The following ATAD2 variants were observed in gnomAD, a reference collection of about 807,000 sequenced individuals.
ATAD2 encodes the protein ATPase family AAA domain-containing protein 2.
In ATAD2, 62 loss-of-function variants were observed where a neutral mutation model predicts 168.9. That is an observed-to-expected ratio of 0.37 (90% confidence interval 0.30 to 0.45). The LOEUF is 0.45. Ranked by LOEUF, ATAD2 falls within the 20% of genes least tolerant of loss-of-function variation. ATAD2 has a pLI of 1.00. For missense variants in ATAD2, 1,419 were observed against 1,667.8 expected (o/e 0.85, Z 2.60); for synonymous variants, 613 against 571.6 (o/e 1.07, Z -1.03).
At chr8:123,328,099 A>C (rs545358720) in intron 25 of ATAD2, 91 bp downstream of exon 25, 1 of 1,104,528 alleles carries the variant, frequency 9.1e-7, no homozygotes, top group East Asian at 3.1e-5. Flanking sequence ...AAAGGCAAGC[A>C]AAAAGCAATA....
chr8:123,389,171 T>A (rs1829735359), intron 1 of ATAD2, among the ~76,000 whole-genome samples: 1 of 137,902 alleles, frequency 7.3e-6, no homozygotes, highest in African/African-American at 2.7e-5. Context: ...AGAAATGTGG[T>A]TTCACCGTGT....
intron 13 of ATAD2, chr8:123,352,437 T>G (rs569741320): frequency 1.3e-5 from 2 of 153,124 alleles, no homozygotes. Flanking sequence ...ACATTTTGGC[T>G]TGGCTGCAAC....
chr8:123,414,698 C>T (rs941181398), intron 1 of ATAD2, among the ~76,000 whole-genome samples: 11 of 152,086 alleles, frequency 7.2e-5, no homozygotes, highest in East Asian at 1.9e-4. Context: ...AGTACCTTAC[C>T]GTATAGAAGG....
intron 2 of ATAD2, among the ~76,000 whole-genome samples, chr8:123,375,927 G>A (rs772696832): frequency 2.6e-5 from 4 of 151,972 alleles, no homozygotes; most frequent in South Asian, 2.1e-4. Flanking sequence ...CCAAGATGGT[G>A]AGACCCCGTC....
At chr8:123,375,481 G>A (rs1829281388) in intron 2 of ATAD2, among the ~76,000 whole-genome samples, 1 of 152,174 alleles carries the variant, frequency 6.6e-6, no homozygotes, top group African/African-American at 2.4e-5. Flanking sequence ...AAATGTTAGT[G>A]TTAGTATTTG....
chr8:123,368,472 TTGGACTTAAATTTGACCAA>T (rs1428008876), intron 8 of ATAD2, among the ~76,000 whole-genome samples: 9 of 152,118 alleles, frequency 5.9e-5, no homozygotes, highest in African/African-American at 2.2e-4. Flanking sequence ...AATTATCTCT[TTGGACTTAAATTTGACCAA>T]TGAACAACTG....
intron 1 of ATAD2, among the ~76,000 whole-genome samples, chr8:123,385,511 G>C (rs1357869096): frequency 3.3e-5 from 5 of 152,096 alleles, no homozygotes; most frequent in Non-Finnish European, 5.9e-5. Context: ...GGGGGAAGTT[G>C]AGATGATAAC....
intron 1 of ATAD2, 172 bp from the exon 2 acceptor site, chr8:123,380,849 TAAAC>T: frequency 1.6e-6 from 1 of 614,764 alleles, no homozygotes. Flanking sequence ...CATTTCATGA[TAAAC>T]AAATATCAGC....
At chr8:123,365,043 A>C (rs922859204) in intron 8 of ATAD2, among the ~76,000 whole-genome samples, 2 of 152,166 alleles carry the variant, frequency 1.3e-5, no homozygotes, top group Non-Finnish European at 2.9e-5. Context: ...CTACTGCAAA[A>C]AACTCCTAGA....
At chr8:123,374,077 A>T (rs1829235292) in intron 2 of ATAD2, among the ~76,000 whole-genome samples, 1 of 152,108 alleles carries the variant, frequency 6.6e-6, no homozygotes, top group Admixed American at 6.6e-5. Context: ...GAAAATAAAA[A>T]CTTTTGGCTG....
rs1443113029 is a variant in ATAD2 at position 123,396,410 on chromosome 8, G to C, written c.-53C>G. ...GCGACCGGAGAGAGATCCAGCTCCA[G>C]GCGCTCGCAGCTCTGGCTCTTCCGC... On this transcript the variant is annotated 5_prime_UTR_variant, in exon 1 of 28. Transcript: ENST00000287394. The C allele has an allele frequency of 4.1e-6, 6 of 1,471,928 alleles. No individual in the cohort carries two copies. The highest frequency in any genetic ancestry group is 2.5e-5 in the East Asian group (1 of 39,640). The allele number at this position is 1,471,928 out of a possible 1,614,324, so 91.2% of individuals were successfully genotyped here.
At chr8:123,360,814 A>C (rs1476030282) in intron 9 of ATAD2, among the ~76,000 whole-genome samples, 1 of 152,120 alleles carries the variant, frequency 6.6e-6, no homozygotes, top group South Asian at 2.1e-4. Flanking sequence ...TCTCCCTTAA[A>C]TATTTATTGG....
intron 21 of ATAD2, among the ~76,000 whole-genome samples, chr8:123,336,988 G>A (rs1827934234): frequency 1.4e-5 from 2 of 146,922 alleles, no homozygotes; most frequent in South Asian, 2.2e-4. Flanking sequence ...CAAGGTTGCA[G>A]TGAAAGATAA....
At chr8:123,395,851 G>A (rs184417651) in intron 1 of ATAD2, among the ~76,000 whole-genome samples, 3 of 152,316 alleles carry the variant, frequency 2.0e-5, no homozygotes, top group Admixed American at 2.0e-4. Context: ...CAGGAGCCTG[G>A]GCGATCGATC....
intron 8 of ATAD2, 132 bp from the exon 9 acceptor site, chr8:123,361,778 C>T: frequency 1.7e-6 from 1 of 605,872 alleles, no homozygotes; most frequent in Non-Finnish European, 2.8e-6. Context: ...GACCCACTGA[C>T]ATAAACTTTG....
intron 1 of ATAD2, among the ~76,000 whole-genome samples, chr8:123,408,183 C>A (rs1401042950): frequency 6.6e-6 from 1 of 152,108 alleles, no homozygotes; most frequent in Non-Finnish European, 1.5e-5. Context: ...TGACATTTGC[C>A]ATATATTAGC....
intron 18 of ATAD2, among the ~76,000 whole-genome samples, chr8:123,345,474 CAACATGGTGA>C (rs1326013900): frequency 2.5e-5 from 3 of 117,746 alleles, no homozygotes; most frequent in Non-Finnish European, 5.1e-5. Flanking sequence ...CCATCCTGGG[CAACATGGTGA>C]AACCCCGTCT....
In ATAD2 at chr8:123,342,179, A is replaced by G. The variant is rs560275622; in HGVS notation, c.2718+2705T>C. On this transcript the variant is annotated intron_variant, in intron 19 of 27. Coordinates refer to ENST00000287394, the MANE Select transcript of ATAD2 (RefSeq NM_014109.4). ...TGTTTGAATGACTGCATAGCAGAAG[A>G]CAAACTTGCCAATGTAATCAACCTG... is the stretch of plus-strand genomic sequence containing the variant. 2.0e-5 allele frequency among the ~76,000 whole-genome samples: 3 copies of G among 152,370 alleles called. No individual in the cohort carries two copies. In the East Asian group the frequency reaches 5.8e-4, roughly 29 times the overall value.
rs1425794858 is a variant in ATAD2, at chr8:123,347,225, A to G, written c.2079T>C (p.Ala693=). The G allele has an allele frequency of 6.2e-7, 1 of 1,614,208 alleles. No individual in the cohort carries two copies. The highest frequency in any genetic ancestry group is 1.7e-5 in the Admixed American group (1 of 60,024). ...ACAGTGCCTGCCCAGGTGATGTCAC[A>G]GCTCTTTGGGAGGCTGGTATCATCT... The part of the protein sequence containing the change: ...MQKMIPASQR[A]VTSPGQALST... Residue 693 remains alanine, a synonymous_variant, in exon 16 of 28, where the codon GCT becomes GCC. Transcript: ENST00000287394.
Sources: allele counts gnomAD v4.1 joint callset (sites outside exome capture counted in the v4.1 genomes callset), GRCh38; gene constraint gnomAD v4.1.1; transcripts MANE v1.5; gene names NCBI Gene and HGNC (gene_info 2026-07-23, HGNC 2026-07-21).